The following SMYD4 variants were observed in gnomAD, a reference collection of about 807,000 sequenced individuals.
SMYD4 encodes SET and MYND domain containing 4, also known as protein-lysine N-methyltransferase SMYD4.
In SMYD4, 68 loss-of-function variants were observed where a neutral mutation model predicts 72.8. The ratio of observed to expected loss-of-function variants is 0.93; its 90% CI spans 0.77 to 1.14. The LOEUF (loss-of-function observed/expected upper bound fraction) is 1.14, where lower values mean the gene tolerates loss of function less well. Ranked by LOEUF, SMYD4 falls within the 50% of genes most tolerant of loss-of-function variation. The pLI, the probability that SMYD4 is intolerant of heterozygous loss-of-function variation, is 0.00. For missense variants in SMYD4, 984 were observed against 1,003.7 expected, an observed-to-expected ratio of 0.98 and a Z score of 0.27; for synonymous variants, 407 against 388.6, an observed-to-expected ratio of 1.05 and a Z score of -0.56.
intron 5 of SMYD4, among the ~76,000 whole-genome samples, chr17:1,793,357 A>T (rs954802545): frequency 6.6e-6 from 1 of 151,340 alleles, no homozygotes; most frequent in Non-Finnish European, 1.5e-5. Context: ...TCACTTGTTC[A>T]CAATTCTGTA....
chr17:1,789,673 G>A (rs1180958101), intron 5 of SMYD4, among the ~76,000 whole-genome samples: 3 of 141,834 alleles, frequency 2.1e-5, no homozygotes, highest in Non-Finnish European at 3.0e-5. Flanking sequence ...GCTGAAGCAG[G>A]AGAATCGCTT....
At chr17:1,828,592 A>C (rs1911331502) in intron 1 of SMYD4, among the ~76,000 whole-genome samples, 1 of 128,042 alleles carries the variant, frequency 7.8e-6, no homozygotes, top group Non-Finnish European at 1.7e-5. Flanking sequence ...CTGTGCTCTT[A>C]GATCCTCTTT....
At position 1,800,026 on chromosome 17, in the gene SMYD4, T is replaced by C. The variant is rs988524969; in HGVS notation, c.1368A>G (p.Ala456=). The C allele has an allele frequency of 1.1e-5, 18 of 1,614,070 alleles. No homozygotes were observed. Among genetic ancestry groups the C allele is most frequent in the Non-Finnish European group, 1.5e-5 (18 of 1,180,030 alleles). The part of the protein sequence containing the change: ...CVSALCRQLE[A]ASLQAIPTER... ...CAGTTGGGATGGCCTGTAAACTGGCTGCTTCTAGCTGTCTGCACAGTGCAG... is the reference window on the plus strand; with the variant it reads ...CAGTTGGGATGGCCTGTAAACTGGCCGCTTCTAGCTGTCTGCACAGTGCAG... The change falls in exon 5 of 11, where the codon GCA becomes GCG. Residue 456 remains alanine, a synonymous_variant. Coordinates refer to ENST00000305513, the MANE Select transcript of SMYD4 (RefSeq NM_052928.3).
chr17:1,805,729 T>A (rs113516037), intron 3 of SMYD4, among the ~76,000 whole-genome samples: 1 of 151,184 alleles, frequency 6.6e-6, no homozygotes, highest in South Asian at 2.1e-4. Context: ...GGAGAATTGC[T>A]TGGACTCAGG....
At chr17:1,802,099 C>A (rs888248692) in intron 4 of SMYD4, among the ~76,000 whole-genome samples, 4 of 152,126 alleles carry the variant, frequency 2.6e-5, no homozygotes, top group Non-Finnish European at 4.4e-5. Flanking sequence ...TAATATCTCC[C>A]AGTGTTGTTT....
chr17:1,784,452 C>T lies in SMYD4; in HGVS notation c.1894G>A (p.Val632Met), dbSNP rs750021278. 39 of 1,614,050 alleles carry T rather than the reference C, an allele frequency of 2.4e-5. No homozygotes were observed. Among genetic ancestry groups the T allele is most frequent in the Admixed American group, 8.3e-5 (5 of 59,996 alleles). The change falls in exon 8 of 11, where the codon GTG becomes ATG. Residue 632 changes from valine (V) to methionine (M), a missense_variant. Physicochemically the swap from Val to Met is conservative, Grantham distance 21. Coordinates refer to ENST00000305513, the MANE Select transcript of SMYD4 (RefSeq NM_052928.3). ...CAAGATCTGCTGCCACAGCGCAGCA[C>T]GTCATCTCCCTGTGGAAGTCAGTTT... ...SCGAPMQGDDVLRCGSRSCAE... is the reference protein window; with the variant it reads ...SCGAPMQGDDMLRCGSRSCAE...
chr17:1,824,119 G>C (rs977351574), intron 2 of SMYD4, among the ~76,000 whole-genome samples: 1 of 152,098 alleles, frequency 6.6e-6, no homozygotes, highest in African/African-American at 2.4e-5. Context: ...AAGGTGGATG[G>C]GTCACCTGAG....
intron 2 of SMYD4, among the ~76,000 whole-genome samples, chr17:1,818,941 C>G (rs1372704176): frequency 6.6e-6 from 1 of 151,520 alleles, no homozygotes; most frequent in Non-Finnish European, 1.5e-5. Context: ...AGCCACTGCA[C>G]CTGGCCAATT....
At chr17:1,784,173 T>C (rs569518326) in intron 8 of SMYD4, among the ~76,000 whole-genome samples, 153 bp downstream of exon 8, 1 of 152,344 alleles carries the variant, frequency 6.6e-6, no homozygotes, top group Admixed American at 6.5e-5. Context: ...GGTCAGGGTT[T>C]GGACTCACTG....
At chr17:1,793,784 T>C (rs1302785132) in intron 5 of SMYD4, among the ~76,000 whole-genome samples, 1 of 151,288 alleles carries the variant, frequency 6.6e-6, no homozygotes, top group African/African-American at 2.4e-5. Flanking sequence ...GACACTGAGA[T>C]ACACAGAGGT....
rs1204022948 is a variant in SMYD4, at chr17:1,781,189, G to A, written c.*97C>T. The A allele has an allele frequency of 6.8e-7, 1 of 1,474,906 alleles. No individual in the cohort carries two copies. The highest frequency in any genetic ancestry group is 2.3e-5 in the Admixed American group (1 of 44,058). 91.4% of individuals were successfully genotyped at this position (1,474,906 alleles called of 1,614,324 possible). On this transcript the variant is annotated 3_prime_UTR_variant, in exon 11 of 11. Transcript: ENST00000305513. Reference sequence around the variant, plus strand: ...GCCCACCTTAGCCTCCCAAAGTGCTGGGATTACAGGCGTGAGCCACCATAC... The same window carrying A: ...GCCCACCTTAGCCTCCCAAAGTGCTAGGATTACAGGCGTGAGCCACCATAC...
rs1270222286 is a variant in SMYD4 at position 1,779,552 on chromosome 17, TTAC to T, written c.*1731_*1733del. On this transcript the variant is annotated 3_prime_UTR_variant, in exon 11 of 11. Transcript: ENST00000305513. Reference sequence around the variant, plus strand: ...AGGAGGCATATGTGTTATAAAGTCTTTACTACAACTTTGATTTTATTAGTGGTT... The same window carrying T: ...AGGAGGCATATGTGTTATAAAGTCTTTACAACTTTGATTTTATTAGTGGTT... The T allele has an allele frequency of 6.7e-6, 1 of 149,872 alleles. No individual in the cohort carries two copies. The highest frequency in any genetic ancestry group is 2.4e-5 in the African/African-American group (1 of 41,216). The allele number at this position is 149,872 out of a possible 1,614,324, so 9.3% of individuals were successfully genotyped here.
At chr17:1,782,472 C>A in intron 10 of SMYD4, 1 of 106,434 alleles carries the variant, frequency 9.4e-6, no homozygotes. Context: ...CAGCAAGACC[C>A]CTTCTCAAAA....
chr17:1,780,785 C>G lies in SMYD4; in HGVS notation c.*501G>C, dbSNP rs967635202. 3 of 152,738 alleles carry G rather than the reference C, an allele frequency of 2.0e-5. No homozygotes were observed. Among genetic ancestry groups the G allele is most frequent in the African/African-American group, 7.3e-5 (3 of 41,366 alleles). The allele number at this position is 152,738 out of a possible 1,614,324, so 9.5% of individuals were successfully genotyped here. A position where few individuals can be genotyped will look rare whatever the true frequency, so the allele number is the denominator to read the frequency against. The stretch of plus-strand genomic sequence containing the variant: ...TACAGGCGTCCGCCACCACGCCCGA[C>G]TAATTTTTTTGTATTTTTAGTAGAG... On this transcript the variant is annotated 3_prime_UTR_variant, in exon 11 of 11. Coordinates refer to ENST00000305513, the MANE Select transcript of SMYD4 (RefSeq NM_052928.3).
At chr17:1,802,565 G>A (rs966441923) in intron 4 of SMYD4, among the ~76,000 whole-genome samples, 2 of 152,160 alleles carry the variant, frequency 1.3e-5, no homozygotes, top group South Asian at 2.1e-4. Context: ...TCAATGTATT[G>A]CAAGTTCTTT....
Position 1,810,582 on chromosome 17 carries a change from T to C in SMYD4, c.279+1389A>G, listed in dbSNP as rs577617847. ...ATATGGGAGGGGGGCAGGGAACTGC[T>C]GTGTAGAGAAAGGCGGGTCCCTGGG... is the stretch of plus-strand genomic sequence containing the variant. On this transcript the variant is annotated intron_variant, in intron 3 of 10. Transcript: ENST00000305513. Among the ~76,000 whole-genome samples the C allele has an allele frequency of 2.6e-5, 4 of 152,332 alleles. No homozygotes were observed. The South Asian group carries it at 8.3e-4, about 32-fold the overall frequency.
intron 1 of SMYD4, among the ~76,000 whole-genome samples, chr17:1,828,684 G>A (rs1008813443): frequency 1.3e-5 from 2 of 148,322 alleles, no homozygotes; most frequent in Non-Finnish European, 3.0e-5. Flanking sequence ...TGCACCCTCC[G>A]CCTCCCAGGT....
At chr17:1,790,741 T>C (rs989372644) in intron 5 of SMYD4, among the ~76,000 whole-genome samples, 11 of 151,994 alleles carry the variant, frequency 7.2e-5, no homozygotes, top group Admixed American at 5.2e-4. Flanking sequence ...AGTCTCGAAC[T>C]TCTGACCTCG....
chr17:1,801,519 C>T (rs1909753954), intron 4 of SMYD4, among the ~76,000 whole-genome samples: 1 of 149,514 alleles, frequency 6.7e-6, no homozygotes, highest in African/African-American at 2.5e-5. Context: ...GGATTACAGG[C>T]ATGAGCCACT....
Sources: allele counts gnomAD v4.1 joint callset (sites outside exome capture counted in the v4.1 genomes callset), GRCh38; gene constraint gnomAD v4.1.1; transcripts MANE v1.5; gene names NCBI Gene and HGNC (gene_info 2026-07-23, HGNC 2026-07-21).